Variants in CHD6 observed in about 807,000 individuals in gnomAD.
CHD6 encodes chromodomain helicase DNA binding protein 6.
In CHD6, 50 loss-of-function variants were observed where a neutral mutation model predicts 276.9. The ratio of observed to expected loss-of-function variants is 0.18; its 90% CI spans 0.14 to 0.23. CHD6 has a LOEUF of 0.23. Among genes scored for constraint, CHD6 ranks in the 10% least tolerant of loss-of-function variants. CHD6 has a pLI of 1.00. For missense variants in CHD6, 2,564 were observed against 3,365.8 expected (o/e 0.76, Z 5.89); for synonymous variants, 1,173 against 1,229.3 (o/e 0.95, Z 0.96).
At chr20:41,529,426 G>C (rs2044625415) in intron 3 of CHD6, among the ~76,000 whole-genome samples, 1 of 152,140 alleles carries the variant, frequency 6.6e-6, no homozygotes, top group Non-Finnish European at 1.5e-5. Context: ...ATCTGTGAAT[G>C]ACCTTAGACA....
rs1569049985 is a variant in CHD6 at position 41,416,443 on chromosome 20, T to C, written c.6486+145A>G. ...TCTTCACTACATACAGGATAAAGTCTAAATTCCCCAATCAACACTAATGGC... is the reference window on the plus strand; with the variant it reads ...TCTTCACTACATACAGGATAAAGTCCAAATTCCCCAATCAACACTAATGGC... On this transcript the variant is annotated intron_variant, in intron 33 of 36. Coordinates refer to ENST00000373233, the MANE Select transcript of CHD6 (RefSeq NM_032221.5). 6 of 683,434 alleles carry C rather than the reference T, an allele frequency of 8.8e-6. No homozygotes were observed. In the East Asian group the frequency reaches 1.3e-4, roughly 15 times the overall value. 42.3% of individuals were successfully genotyped at this position (683,434 alleles called of 1,614,324 possible).
intron 3 of CHD6, among the ~76,000 whole-genome samples, chr20:41,524,036 C>T (rs931650171): frequency 6.6e-6 from 1 of 152,164 alleles, no homozygotes; most frequent in Admixed American, 6.5e-5. Flanking sequence ...TGACTGCCTC[C>T]AAAGACATGT....
intron 2 of CHD6, among the ~76,000 whole-genome samples, chr20:41,538,482 T>A (rs1369426298): frequency 6.6e-6 from 1 of 152,224 alleles, no homozygotes; most frequent in Non-Finnish European, 1.5e-5. Flanking sequence ...ATTCCATTTA[T>A]ATGAAATGCT....
chr20:41,458,597 TACTC>T (rs756017619), intron 17 of CHD6, among the ~76,000 whole-genome samples: 47 of 152,310 alleles, frequency 3.1e-4, no homozygotes, highest in African/African-American at 7.9e-4. Flanking sequence ...TACATACACA[TACTC>T]ACACAGATAT....
chr20:41,435,697 A>T (rs2047685715), intron 27 of CHD6, among the ~76,000 whole-genome samples: 1 of 152,106 alleles, frequency 6.6e-6, no homozygotes, highest in Admixed American at 6.5e-5. Context: ...CCCCAAAGAG[A>T]TATAAAGGTT....
chr20:41,425,147 T>C (rs751743871), intron 29 of CHD6, 31 bp downstream of exon 29: 1 of 1,582,620 alleles, frequency 6.3e-7, no homozygotes, highest in East Asian at 2.2e-5. Flanking sequence ...AGTGGGTGGC[T>C]GAGCATGCCC....
chr20:41,555,671 C>A (rs941135326), intron 1 of CHD6, among the ~76,000 whole-genome samples: 1 of 150,578 alleles, frequency 6.6e-6, no homozygotes, highest in African/African-American at 2.5e-5. Context: ...GGGGCAGAGG[C>A]GCTCCCCACA....
At chr20:41,590,958 C>G (rs1240751208) in intron 1 of CHD6, among the ~76,000 whole-genome samples, 2 of 151,450 alleles carry the variant, frequency 1.3e-5, no homozygotes, top group African/African-American at 2.4e-5. Context: ...TTGGAACCAA[C>G]CCAAATGTCC....
chr20:41,524,544 A>G (rs1442967503), intron 3 of CHD6, among the ~76,000 whole-genome samples: 3 of 152,232 alleles, frequency 2.0e-5, no homozygotes, highest in Non-Finnish European at 2.9e-5. Flanking sequence ...AAAATTCAGA[A>G]AGTATAGAAG....
In CHD6 at chr20:41,431,322, A is replaced by G. The variant is rs150068420; in HGVS notation, c.4069-5169T>C. Among the ~76,000 whole-genome samples the G allele has an allele frequency of 4.7e-4, 72 of 152,358 alleles. No individual in the cohort carries two copies. The East Asian group carries it at 0.013, about 27-fold the overall frequency. ...AGCCATTGTTACTGTTACAGGGGTCAGAGCTGATGGAGGCCAAAGTAAATA... is the reference window on the plus strand; with the variant it reads ...AGCCATTGTTACTGTTACAGGGGTCGGAGCTGATGGAGGCCAAAGTAAATA... On this transcript the variant is annotated intron_variant, in intron 27 of 36. Coordinates refer to ENST00000373233, the MANE Select transcript of CHD6 (RefSeq NM_032221.5).
intron 1 of CHD6, among the ~76,000 whole-genome samples, chr20:41,555,833 C>T (rs2146167104): frequency 6.6e-6 from 1 of 152,280 alleles, no homozygotes; most frequent in African/African-American, 2.4e-5. Flanking sequence ...AGACGCTCCT[C>T]ACTTCCCAGA....
Position 41,431,776 on chromosome 20 carries a change from C to CTTTTTTTTTTTTTTTTTTTTTTTTTTTTT in CHD6, c.4068+5497_4068+5498insAAAAAAAAAAAAAAAAAAAAAAAAAAAAA, listed in dbSNP as rs61227802. 7.6e-5 allele frequency among the ~76,000 whole-genome samples: 8 copies of CTTTTTTTTTTTTTTTTTTTTTTTTTTTTT among 104,768 alleles called. 1 individual carries two copies. Among genetic ancestry groups the CTTTTTTTTTTTTTTTTTTTTTTTTTTTTT allele is most frequent in the Admixed American group, 1.0e-4 (1 of 9,838 alleles). The allele number at this position is 104,768 out of a possible 152,430, so 68.7% of individuals were successfully genotyped here. ...AGGAATGACATGATGAAAAAACATG[C>CTTTTTTTTTTTTTTTTTTTTTTTTTTTTT]TTTTTTTTTTTTTTTGCTTCATATA... On this transcript the variant is annotated intron_variant, in intron 27 of 36. Transcript: ENST00000373233.
intron 1 of CHD6, among the ~76,000 whole-genome samples, chr20:41,601,035 C>A (rs2045768067): frequency 1.3e-5 from 2 of 152,142 alleles, no homozygotes; most frequent in Non-Finnish European, 2.9e-5. Flanking sequence ...CAGAAGAAAA[C>A]CTCTGCCCAC....
intron 11 of CHD6, 78 bp downstream of exon 11, chr20:41,491,620 C>T: frequency 6.4e-7 from 1 of 1,562,290 alleles, no homozygotes; most frequent in Non-Finnish European, 8.8e-7. Context: ...CAGTCTGCTA[C>T]TGCGACTCTA....
At chr20:41,468,360 T>C (rs1164078858) in intron 17 of CHD6, among the ~76,000 whole-genome samples, 1 of 152,152 alleles carries the variant, frequency 6.6e-6, no homozygotes, top group Non-Finnish European at 1.5e-5. Context: ...TCTGCCCGCC[T>C]CGGCCTCCCA....
chr20:41,585,727 T>C (rs2045587599), intron 1 of CHD6, among the ~76,000 whole-genome samples: 1 of 152,188 alleles, frequency 6.6e-6, no homozygotes, highest in Admixed American at 6.5e-5. Context: ...CCTCATTTCA[T>C]GAGGCCAGCA....
intron 16 of CHD6, among the ~76,000 whole-genome samples, chr20:41,477,044 C>A (rs1360850858): frequency 2.6e-5 from 4 of 151,778 alleles, no homozygotes; most frequent in Non-Finnish European, 5.9e-5. Flanking sequence ...CAAGAAGAGC[C>A]TGGGCAACAT....
intron 20 of CHD6, among the ~76,000 whole-genome samples, chr20:41,453,528 T>A (rs1444507452): frequency 6.6e-6 from 1 of 152,198 alleles, no homozygotes; most frequent in Non-Finnish European, 1.5e-5. Flanking sequence ...CATTGCTTCC[T>A]GCTCCTCACT....
chr20:41,546,681 AATG>A (rs2045049085), intron 2 of CHD6, among the ~76,000 whole-genome samples: 1 of 152,214 alleles, frequency 6.6e-6, no homozygotes, highest in African/African-American at 2.4e-5. Context: ...ATAGGTTTTC[AATG>A]ATTAGAGTTC....
Sources: gnomAD v4.1 joint callset for allele counts (sites outside exome capture counted in the v4.1 genomes callset) on GRCh38, gnomAD v4.1.1 for gene constraint, MANE v1.5 for transcripts, NCBI Gene and HGNC (gene_info 2026-07-23, HGNC 2026-07-21) for gene names.